MFN2: variants seen among roughly 807,000 people sequenced by gnomAD.
MFN2 encodes the protein mitofusin 2.
MFN2 carries 43 observed loss-of-function variants against 87.5 expected under a neutral mutation model. The observed-to-expected ratio is 0.49, with a 90% CI of 0.38 to 0.63. MFN2 has a LOEUF of 0.63. Among genes scored for constraint, MFN2 ranks in the 30% least tolerant of loss-of-function variants. MFN2 has a pLI of 0.00. For missense variants in MFN2, 743 were observed against 972.8 expected (o/e 0.76, Z 3.14); for synonymous variants, 337 against 359.9 (o/e 0.94, Z 0.72).
At chr1:11,992,967 C>CTTTTTTTTTTTT (rs35911686) in intron 4 of MFN2, among the ~76,000 whole-genome samples, 4 of 143,988 alleles carry the variant, frequency 2.8e-5, no homozygotes, top group Non-Finnish European at 3.0e-5. Context: ...TCAAGCCTGA[C>CTTTTTTTTTTTT]TTTTTTTTTT....
Position 12,004,010 on chromosome 1 carries a change from G to A in MFN2, c.1179G>A (p.Met393Ile), listed in dbSNP as rs12069578. ...CTTTCAGGGTTTACTGCGAGGAAAT[G>A]CGTGAAGAGCGGCAAGACCGACTGA... ...AREQQVYCEEMREERQDRLKF... is the reference protein window; with the variant it reads ...AREQQVYCEEIREERQDRLKF... The change falls in exon 12 of 19, where the codon ATG becomes ATA. Residue 393 changes from methionine (M) to isoleucine (I), a missense_variant. Physicochemically the swap from Met to Ile is conservative, Grantham distance 10. Coordinates refer to ENST00000235329, the MANE Select transcript of MFN2 (RefSeq NM_014874.4). The surrounding 1 kb of genome is among the most constrained non-coding windows in gnomAD (Gnocchi z 4.2). 2.9e-4 allele frequency: 476 copies of A among 1,614,260 alleles called. 1 individual carries two copies. The African/African-American group carries it at 5.9e-3, about 20-fold the overall frequency.
chr1:11,999,617 C>G lies in MFN2; in HGVS notation c.816+522C>G, dbSNP rs1557525724. 4.6e-5 allele frequency among the ~76,000 whole-genome samples: 7 copies of G among 151,942 alleles called. No individual in the cohort carries two copies. The South Asian group carries it at 1.0e-3, about 23-fold the overall frequency. On this transcript the variant is annotated intron_variant, in intron 8 of 18. Coordinates refer to ENST00000235329, the MANE Select transcript of MFN2 (RefSeq NM_014874.4). ...AGGTGATCCACCTGCCTCAGCCTCC[C>G]AAAGTGCTGGGATTACAGGCATGAG...
rs779242620 is a variant in MFN2 at position 12,004,811 on chromosome 1, T to A, written c.1393-14T>A. 1.2e-5 allele frequency: 19 copies of A among 1,612,548 alleles called. No homozygotes were observed. The Middle Eastern group carries it at 1.2e-3, about 98-fold the overall frequency. On this transcript the variant is annotated splice_polypyrimidine_tract_variant and intron_variant, in intron 13 of 18. Transcript: ENST00000235329. This position sits in a 1 kb window ranked among gnomAD's most constrained non-coding sequence, Gnocchi z 4.2. ...ATGGACATGCTTCTCTTAACTTCCC[T>A]CTTCTGGTGGCAGGAGCTGCACCGC...
At chr1:11,992,981 T>G (rs990477495) in intron 4 of MFN2, among the ~76,000 whole-genome samples, 3 of 149,668 alleles carry the variant, frequency 2.0e-5, no homozygotes, top group Admixed American at 1.3e-4. Context: ...TTTTTTTTTA[T>G]TTTCTAATTA....
chr1:11,995,910 G>T (rs941482334), intron 4 of MFN2, among the ~76,000 whole-genome samples: 1 of 152,198 alleles, frequency 6.6e-6, no homozygotes, highest in Non-Finnish European at 1.5e-5. Context: ...TCAAGGGGCA[G>T]ACAGCACGCA....
intron 15 of MFN2, among the ~76,000 whole-genome samples, 184 bp from the exon 16 acceptor site, chr1:12,006,354 C>T (rs552751546): frequency 3.3e-5 from 5 of 152,308 alleles, no homozygotes; most frequent in South Asian, 2.1e-4. Flanking sequence ...ACATTTTGCA[C>T]GTCCCGTGGT....
intron 2 of MFN2, among the ~76,000 whole-genome samples, chr1:11,986,343 G>C (rs1185375495): frequency 1.3e-5 from 2 of 152,136 alleles, no homozygotes; most frequent in African/African-American, 4.8e-5. Flanking sequence ...CTGCTGGGTG[G>C]AGAACTGAGC....
At position 11,980,473 on chromosome 1, in the gene MFN2, G is replaced by A. The variant is rs140094248; in HGVS notation, c.-161G>A. 320 of 398,370 alleles carry A rather than the reference G, an allele frequency of 8.0e-4. 6 individuals carry two copies. In the East Asian group the frequency reaches 9.3e-3, roughly 12 times the overall value. The allele number at this position is 398,370 out of a possible 1,614,324, so 24.7% of individuals were successfully genotyped here. On this transcript the variant is annotated 5_prime_UTR_variant, in exon 1 of 19. Coordinates refer to ENST00000235329, the MANE Select transcript of MFN2 (RefSeq NM_014874.4). ...TGAGTGTGATGGCCGCCGCGAGGCCGGGAAGGTGAAGGTGAGAGGGCGAGC... is the reference window on the plus strand; with the variant it reads ...TGAGTGTGATGGCCGCCGCGAGGCCAGGAAGGTGAAGGTGAGAGGGCGAGC...
In MFN2 at chr1:12,001,442, G is replaced by C; in HGVS notation, c.858G>C (p.Val286=). ...TGGAGCGTTGTACCAGCTTCCTGGT[G>C]GATGAGCTGGGCGTGGTGGATCGAT... ...QHMERCTSFL[V]DELGVVDRSQ... Residue 286 remains valine, a synonymous_variant, in exon 9 of 19, where the codon GTG becomes GTC. Coordinates refer to ENST00000235329, the MANE Select transcript of MFN2 (RefSeq NM_014874.4). The C allele has an allele frequency of 6.2e-7, 1 of 1,613,942 alleles. No individual in the cohort carries two copies. Among genetic ancestry groups the C allele is most frequent in the South Asian group, 1.1e-5 (1 of 91,038 alleles).
At chr1:11,985,440 C>G (rs573025716) in intron 2 of MFN2, among the ~76,000 whole-genome samples, 3 of 150,698 alleles carry the variant, frequency 2.0e-5, no homozygotes, top group African/African-American at 7.3e-5. Flanking sequence ...CTATATCATG[C>G]CCCATCCTTG....
At chr1:11,999,657 C>T (rs1237517032) in intron 8 of MFN2, among the ~76,000 whole-genome samples, 1 of 151,778 alleles carries the variant, frequency 6.6e-6, no homozygotes, top group African/African-American at 2.4e-5. Flanking sequence ...CACGCCTGGC[C>T]TCACAACTCT....
chr1:12,011,702 T>C lies in MFN2; in HGVS notation c.*137T>C. 1.1e-6 allele frequency: 1 copy of C among 871,548 alleles called. No homozygotes were observed. Among genetic ancestry groups the C allele is most frequent in the Non-Finnish European group, 1.9e-6 (1 of 537,662 alleles). The allele number at this position is 871,548 out of a possible 1,614,324, so 54.0% of individuals were successfully genotyped here. On this transcript the variant is annotated 3_prime_UTR_variant, in exon 19 of 19. Transcript: ENST00000235329. ...GAATGAAGCACCCAGTCTCGTACCA[T>C]TTTGAGCCCTCCAGCACTACTTATT...
In MFN2 at chr1:12,006,545, G is replaced by A. The variant is rs564375950; in HGVS notation, c.1724G>A (p.Arg575His). Residue 575 changes from arginine to histidine, a missense_variant, in exon 16 of 19, where the codon CGT becomes CAT. Physicochemically the swap from Arg to His is conservative, Grantham distance 29. Coordinates refer to ENST00000235329, the MANE Select transcript of MFN2 (RefSeq NM_014874.4). ...TCATGTTTCTCTCCTCAGGTCCAGC[G>A]TCCCATCCCTCTGACGCCAGCCAAC... ...ALMGYNDQVQ[R>H]PIPLTPANPS... 30 of 1,614,114 alleles carry A rather than the reference G, an allele frequency of 1.9e-5. No individual in the cohort carries two copies. The highest frequency in any genetic ancestry group is 6.6e-5 in the South Asian group (6 of 91,088).
rs2100831955 is a variant in MFN2, at chr1:11,998,870, A to G, written c.700A>G (p.Met234Val). 2 of 1,614,188 alleles carry G rather than the reference A, an allele frequency of 1.2e-6. No individual in the cohort carries two copies. The highest frequency in any genetic ancestry group is 1.7e-6 in the Non-Finnish European group (2 of 1,180,030). ...VLVANSESTL[M>V]QTEKHFFHKV... ...GGTGGCCAACTCAGAGTCCACCCTG[A>G]TGCAGACGGTAACTCCTCCTCTGCC... Residue 234 changes from methionine (M) to valine (V), a missense_variant, in exon 7 of 19, where the codon ATG becomes GTG. By Grantham distance (21) the Met-to-Val change is conservative (BLOSUM62 1). Coordinates refer to ENST00000235329, the MANE Select transcript of MFN2 (RefSeq NM_014874.4).
rs551566332 is a variant in MFN2 at position 12,013,127 on chromosome 1, G to A, written c.*1562G>A. On this transcript the variant is annotated 3_prime_UTR_variant, in exon 19 of 19. Coordinates refer to ENST00000235329, the MANE Select transcript of MFN2 (RefSeq NM_014874.4). ...GCGTGTGCCGGGCCTGAATGGACAG[G>A]GGCCACTTCACAGCATGTCAGGGAA... 2.0e-3 allele frequency: 699 copies of A among 348,984 alleles called. 16 individuals carry two copies. The highest frequency in any genetic ancestry group is 0.015 in the South Asian group (682 of 45,472). 21.6% of individuals were successfully genotyped at this position (348,984 alleles called of 1,614,324 possible).
In MFN2 at chr1:12,006,049, C is replaced by G; in HGVS notation, c.1716+118C>G. The G allele has an allele frequency of 2.2e-6, 2 of 901,386 alleles. 1 individual carries two copies. The allele number at this position is 901,386 out of a possible 1,614,324, so 55.8% of individuals were successfully genotyped here. ...AAGGTCAGCAGCTGTGGTGGTGTGC[C>G]CCACCACACAGTACACCACAGACAG... On this transcript the variant is annotated intron_variant, in intron 15 of 18. Coordinates refer to ENST00000235329, the MANE Select transcript of MFN2 (RefSeq NM_014874.4).
rs1479202884 is a variant in MFN2, at chr1:12,007,169, C to G, written c.1989C>G (p.Arg663=). The change falls in exon 17 of 19, where the codon CGC becomes CGG. Residue 663 remains arginine (R), a synonymous_variant. Transcript: ENST00000235329. ...AGGCCAAGGAGAGGGCCTTCAAGCG[C>G]CAGTTTGTGGAGCATGCCAGCGAGA... is the stretch of plus-strand genomic sequence containing the variant. ...TTKAKERAFK[R]QFVEHASEKL... 1.2e-6 allele frequency: 2 copies of G among 1,614,058 alleles called. No homozygotes were observed. The highest frequency in any genetic ancestry group is 1.7e-5 in the Admixed American group (1 of 60,006).
Position 12,005,923 on chromosome 1 carries a change from A to G in MFN2, c.1708A>G (p.Asn570Asp), listed in dbSNP as rs1639389371. 4 of 1,613,326 alleles carry G rather than the reference A, an allele frequency of 2.5e-6. No homozygotes were observed. Among genetic ancestry groups the G allele is most frequent in the Admixed American group, 1.7e-5 (1 of 60,004 alleles). The change falls in exon 15 of 19, where the codon AAT (asparagine) becomes GAT (aspartate). Residue 570 changes from asparagine to aspartate, a missense_variant. Asn to Asp is a conservative substitution (Grantham distance 23). Coordinates refer to ENST00000235329, the MANE Select transcript of MFN2 (RefSeq NM_014874.4). ...CAGCCGTCGGGCCTTGATGGGCTAC[A>G]ATGACCAGGCAAGCAAAGTTCCTCA... The part of the protein sequence containing the change: ...KNSRRALMGY[N>D]DQVQRPIPLT...
rs968573663 is a variant in MFN2 at position 12,012,575 on chromosome 1, TAAGA to T, written c.*1011_*1014del. On this transcript the variant is annotated 3_prime_UTR_variant, in exon 19 of 19. Coordinates refer to ENST00000235329, the MANE Select transcript of MFN2 (RefSeq NM_014874.4). ...TTGATTGCATCCCTGTTGTGCCCTT[TAAGA>T]GACATGTTTCCACCCCACCCCCAAC... The T allele has an allele frequency of 4.6e-5, 7 of 152,224 alleles. No homozygotes were observed. The highest frequency in any genetic ancestry group is 1.7e-4 in the African/African-American group (7 of 41,426). 9.4% of individuals were successfully genotyped at this position (152,224 alleles called of 1,614,324 possible).
Sources: allele counts gnomAD v4.1 joint callset (sites outside exome capture counted in the v4.1 genomes callset), GRCh38; gene constraint gnomAD v4.1.1; non-coding constraint Gnocchi (gnomAD v3.1); transcripts MANE v1.5; gene names NCBI Gene and HGNC (gene_info 2026-07-23, HGNC 2026-07-21).